The following RAB3GAP1 variants were observed in gnomAD, a reference collection of about 807,000 sequenced individuals.
RAB3GAP1 encodes rab3 GTPase-activating protein catalytic subunit.
In RAB3GAP1, 86 loss-of-function variants were observed where a neutral mutation model predicts 130.7. The ratio of observed to expected loss-of-function variants is 0.66; its 90% CI spans 0.55 to 0.79. The LOEUF (loss-of-function observed/expected upper bound fraction) is 0.79. RAB3GAP1 is among the 30% of genes least tolerant of loss of function. RAB3GAP1 has a pLI of 0.00. For missense variants in RAB3GAP1, 1,029 were observed against 1,169.4 expected, an observed-to-expected ratio of 0.88 and a Z score of 1.75; for synonymous variants, 367 against 401.7, an observed-to-expected ratio of 0.91 and a Z score of 1.03.
At chr2:135,162,404 A>C (rs1692487884) in intron 19 of RAB3GAP1, 151 bp from the exon 20 acceptor site, 1 of 706,692 alleles carries the variant, frequency 1.4e-6, no homozygotes, top group East Asian at 2.7e-5. Context: ...TTTCAGTAAC[A>C]TTATCCTCAC....
At chr2:135,127,090 T>G (rs565971644) in intron 11 of RAB3GAP1, among the ~76,000 whole-genome samples, 1 of 152,022 alleles carries the variant, frequency 6.6e-6, no homozygotes, top group African/African-American at 2.4e-5. Context: ...TTATCCAGGA[T>G]AGTCTTGATC....
At chr2:135,121,862 GC>G (rs1691210512) in intron 8 of RAB3GAP1, among the ~76,000 whole-genome samples, 1 of 152,136 alleles carries the variant, frequency 6.6e-6, no homozygotes, top group Admixed American at 6.5e-5. Flanking sequence ...GGAGGCCAAG[GC>G]AGGCAGATCA....
intron 17 of RAB3GAP1, among the ~76,000 whole-genome samples, chr2:135,147,497 A>G (rs1411169664): frequency 6.6e-6 from 1 of 152,144 alleles, no homozygotes; most frequent in Non-Finnish European, 1.5e-5. Context: ...GTATTACTCT[A>G]GTTTGTTCAG....
At chr2:135,130,510 G>A (rs1195958581) in intron 12 of RAB3GAP1, 42 bp from the exon 13 acceptor site, 2 of 1,507,338 alleles carry the variant, frequency 1.3e-6, no homozygotes, top group African/African-American at 1.4e-5. Flanking sequence ...CACCTGCTGA[G>A]GTTGGTGATA....
chr2:135,116,260 A>T (rs1173224182), intron 7 of RAB3GAP1, among the ~76,000 whole-genome samples: 1 of 152,088 alleles, frequency 6.6e-6, no homozygotes, highest in Non-Finnish European at 1.5e-5. Flanking sequence ...TAGGATATTG[A>T]TTATATGTAT....
chr2:135,174,955 T>A (rs1474867718), downstream of RAB3GAP1, among the ~76,000 whole-genome samples: 1 of 152,192 alleles, frequency 6.6e-6, no homozygotes, highest in Non-Finnish European at 1.5e-5. Flanking sequence ...CAGTGGCAAG[T>A]GGCTGTCTCT....
chr2:135,078,325 C>T (rs1689686496), intron 3 of RAB3GAP1, among the ~76,000 whole-genome samples: 1 of 152,018 alleles, frequency 6.6e-6, no homozygotes, highest in South Asian at 2.1e-4. Flanking sequence ...TTATAATTCT[C>T]TATTTTTTAG....
chr2:135,056,356 C>T (rs922814162), intron 2 of RAB3GAP1, among the ~76,000 whole-genome samples: 1 of 152,076 alleles, frequency 6.6e-6, no homozygotes, highest in Non-Finnish European at 1.5e-5. Flanking sequence ...GTGCCTGCCA[C>T]CGCGCCTGGC....
At chr2:135,101,281 C>T (rs1690441096) in intron 5 of RAB3GAP1, among the ~76,000 whole-genome samples, 1 of 152,104 alleles carries the variant, frequency 6.6e-6, no homozygotes, top group African/African-American at 2.4e-5. Flanking sequence ...TTCAGAGATA[C>T]TGAAGAATAA....
chr2:135,064,822 G>T (rs779174596), intron 3 of RAB3GAP1, among the ~76,000 whole-genome samples: 6 of 145,738 alleles, frequency 4.1e-5, no homozygotes, highest in African/African-American at 1.5e-4. Flanking sequence ...ATGAAATGTA[G>T]AGACGAAATG....
chr2:135,071,789 C>T (rs1689479865), intron 3 of RAB3GAP1, among the ~76,000 whole-genome samples: 1 of 152,244 alleles, frequency 6.6e-6, no homozygotes, highest in South Asian at 2.1e-4. Flanking sequence ...GTCTCATCTC[C>T]CAACCACTTC....
intron 5 of RAB3GAP1, among the ~76,000 whole-genome samples, chr2:135,106,162 C>T (rs1281820689): frequency 6.6e-6 from 1 of 151,826 alleles, no homozygotes; most frequent in African/African-American, 2.4e-5. Context: ...GTCCGGCCGC[C>T]GCCCCGTCCG....
intron 11 of RAB3GAP1, 142 bp from the exon 12 acceptor site, chr2:135,129,853 T>G (rs1691478920): frequency 3.1e-6 from 2 of 647,746 alleles, no homozygotes; most frequent in Non-Finnish European, 5.4e-6. Flanking sequence ...TAATTTTTGT[T>G]TTTTTCAATG....
At chr2:135,151,788 A>G (rs1175635978) in intron 18 of RAB3GAP1, among the ~76,000 whole-genome samples, 1 of 152,158 alleles carries the variant, frequency 6.6e-6, no homozygotes, top group East Asian at 1.9e-4. Context: ...CGCAGCAGTA[A>G]TTTTCCATCT....
chr2:135,053,488 A>G (rs192464356), intron 2 of RAB3GAP1, among the ~76,000 whole-genome samples: 25 of 151,748 alleles, frequency 1.6e-4, no homozygotes, highest in African/African-American at 4.8e-4. Context: ...TGTCACAGAA[A>G]CCCTTCAGTT....
intron 3 of RAB3GAP1, among the ~76,000 whole-genome samples, chr2:135,070,105 A>G (rs1031023064): frequency 2.6e-5 from 4 of 152,220 alleles, no homozygotes; most frequent in African/African-American, 4.8e-5. Flanking sequence ...CCAATCACTA[A>G]TCAGTGTTAT....
intron 19 of RAB3GAP1, among the ~76,000 whole-genome samples, chr2:135,160,732 A>G (rs530091473): frequency 6.6e-6 from 1 of 151,710 alleles, no homozygotes; most frequent in East Asian, 1.9e-4. Flanking sequence ...CAAAACTGCA[A>G]TAAAGATAGT....
At position 135,094,347 on chromosome 2, in the gene RAB3GAP1, C is replaced by A. The variant is rs544361813; in HGVS notation, c.362+654C>A. Among the ~76,000 whole-genome samples the A allele has an allele frequency of 1.6e-3, 240 of 150,856 alleles. 1 individual carries two copies. The highest frequency in any genetic ancestry group is 6.8e-3 in the Middle Eastern group (2 of 294). ...TAGTTGTACATATTTATCTTTTTTT[C>A]AAAAGAAATGATAAATGCTTGAGGT... On this transcript the variant is annotated intron_variant, in intron 5 of 23. Coordinates refer to ENST00000264158, the MANE Select transcript of RAB3GAP1 (RefSeq NM_012233.3).
chr2:135,078,265 A>G (rs1205148033), intron 3 of RAB3GAP1, among the ~76,000 whole-genome samples: 2 of 152,160 alleles, frequency 1.3e-5, no homozygotes, highest in Non-Finnish European at 2.9e-5. Flanking sequence ...TATGACTTCT[A>G]GATTTCATAC....
Sources: gnomAD v4.1 joint callset for allele counts (sites outside exome capture counted in the v4.1 genomes callset) on GRCh38, gnomAD v4.1.1 for gene constraint, MANE v1.5 for transcripts, NCBI Gene and HGNC (gene_info 2026-07-23, HGNC 2026-07-21) for gene names.